OPCML: variants seen among roughly 807,000 people sequenced by gnomAD.
OPCML encodes opioid binding protein/cell adhesion molecule like.
Under a neutral mutation model 37.8 loss-of-function variants are expected in OPCML, and 13 were observed. The observed-to-expected ratio is 0.34, with a 90% CI of 0.22 to 0.55. The LOEUF (loss-of-function observed/expected upper bound fraction) is 0.55, where lower values mean the gene tolerates loss of function less well. OPCML is among the 20% of genes least tolerant of loss of function. The probability of loss-of-function intolerance (pLI) is 0.91; values close to 1 mark genes in which losing one functional copy is unlikely to be tolerated. For synonymous variants in OPCML, 176 were observed against 168.8 expected, an observed-to-expected ratio of 1.04 and a Z score of -0.33; for missense variants, 341 against 435.6, an observed-to-expected ratio of 0.78 and a Z score of 1.93.
intron 1 of OPCML, chr11:133,422,523 C>T (rs573988931): frequency 1.6e-5 from 16 of 977,704 alleles, no homozygotes; most frequent in Middle Eastern, 5.3e-4. Context: ...TTTTTAGAGA[C>T]GGGGTCCTGC....
chr11:133,342,162 T>C (rs1592217534), intron 1 of OPCML, among the ~76,000 whole-genome samples: 1 of 152,286 alleles, frequency 6.6e-6, no homozygotes, highest in Admixed American at 6.5e-5. Context: ...GAACTAATCA[T>C]GGCAGTTTTG....
At chr11:132,848,957 T>C (rs542335428) in intron 2 of OPCML, among the ~76,000 whole-genome samples, 31 of 152,322 alleles carry the variant, frequency 2.0e-4, no homozygotes, top group Admixed American at 9.1e-4. Flanking sequence ...GATAAATCAC[T>C]AGCTCCAGTT....
rs113253382 is a variant in OPCML at position 132,697,822 on chromosome 11, G to A, written c.147-40503C>T. ...TCTCTGTTGCCCAGGCTGGAGTGCA[G>A]TGGTGTAATCATGGCTTACTGCAGC... On this transcript the variant is annotated intron_variant, in intron 2 of 7. Transcript: ENST00000524381. Among the ~76,000 whole-genome samples, 1,363 of 152,044 alleles carry A rather than the reference G, an allele frequency of 9.0e-3. 22 individuals carry two copies. Among genetic ancestry groups the A allele is most frequent in the African/African-American group, 0.031 (1,306 of 41,472 alleles).
intron 1 of OPCML, among the ~76,000 whole-genome samples, chr11:133,413,189 G>C (rs10791291): frequency 6.6e-6 from 1 of 151,878 alleles, no homozygotes; most frequent in Non-Finnish European, 1.5e-5. Flanking sequence ...ATGTTGTAGG[G>C]GCTCTGGAGA....
intron 1 of OPCML, among the ~76,000 whole-genome samples, chr11:132,956,188 T>C (rs928764613): frequency 2.0e-5 from 3 of 152,158 alleles, no homozygotes; most frequent in Non-Finnish European, 4.4e-5. Flanking sequence ...TCAGTTTGTT[T>C]TGTGCCCATA....
rs547718391 is a variant in OPCML at position 132,479,042 on chromosome 11, C to T, written c.506-41683G>A. Among the ~76,000 whole-genome samples the T allele has an allele frequency of 1.1e-4, 17 of 152,042 alleles. No individual in the cohort carries two copies. The South Asian group carries it at 1.5e-3, about 13-fold the overall frequency. ...TAATAGGGAGAGGAGCCAAGATGGC[C>T]GAATAGGAACAGCCCTGGTCTACAG... On this transcript the variant is annotated intron_variant, in intron 4 of 7. Coordinates refer to ENST00000524381, the MANE Select transcript of OPCML (RefSeq NM_001012393.5).
chr11:132,716,879 C>T (rs1415041449), intron 2 of OPCML, among the ~76,000 whole-genome samples: 6 of 152,008 alleles, frequency 3.9e-5, no homozygotes, highest in African/African-American at 1.4e-4. Flanking sequence ...AAGAAGAGTT[C>T]TTTCTTATAA....
chr11:133,201,360 C>G (rs1293197948), intron 1 of OPCML, among the ~76,000 whole-genome samples: 2 of 149,996 alleles, frequency 1.3e-5, no homozygotes, highest in Non-Finnish European at 3.0e-5. Context: ...ATATTTTATG[C>G]CTTTTAGTCT....
At position 132,657,285 on chromosome 11, in the gene OPCML, A is replaced by G; in HGVS notation, c.181T>C (p.Trp61Arg). The G allele has an allele frequency of 6.2e-7, 1 of 1,614,258 alleles. No homozygotes were observed. Among genetic ancestry groups the G allele is most frequent in the Admixed American group, 1.7e-5 (1 of 60,034 alleles). The change falls in exon 3 of 8, where the codon TGG (tryptophan) becomes CGG (arginine). Residue 61 changes from tryptophan to arginine, a missense_variant. Physicochemically the swap from Trp to Arg is moderately radical, Grantham distance 101. Transcript: ENST00000524381. The part of the protein sequence containing the change: ...TIDDRVTRVA[W>R]LNRSTILYAG... ...TAGAGGATGGTGCTGCGGTTTAGCC[A>G]GGCCACCCGGGTTACCCGGTCATCT...
In OPCML at chr11:132,867,222, G is replaced by A. The variant is rs891068525; in HGVS notation, c.146+75704C>T. On this transcript the variant is annotated intron_variant, in intron 2 of 7. Coordinates refer to ENST00000524381, the MANE Select transcript of OPCML (RefSeq NM_001012393.5). Reference sequence around the variant, plus strand: ...GTTGCAGTTTTATTTTGCATCTGACGTCTTGATGGGAATGGAAAAGGACTG... The same window carrying A: ...GTTGCAGTTTTATTTTGCATCTGACATCTTGATGGGAATGGAAAAGGACTG... Among the ~76,000 whole-genome samples, 8 of 152,160 alleles carry A rather than the reference G, an allele frequency of 5.3e-5. No homozygotes were observed. The East Asian group carries it at 5.8e-4, about 11-fold the overall frequency.
intron 1 of OPCML, among the ~76,000 whole-genome samples, chr11:133,051,891 C>T (rs911466097): frequency 6.6e-6 from 1 of 152,204 alleles, no homozygotes; most frequent in African/African-American, 2.4e-5. Context: ...AGCAAATATA[C>T]CCCAAACAGC....
chr11:132,717,047 C>T (rs1201579644), intron 2 of OPCML, among the ~76,000 whole-genome samples: 1 of 152,018 alleles, frequency 6.6e-6, no homozygotes, highest in Non-Finnish European at 1.5e-5. Context: ...ATACTCTGGA[C>T]ATGTATCATA....
chr11:133,264,070 A>G (rs1327034091), intron 1 of OPCML, among the ~76,000 whole-genome samples: 3 of 152,178 alleles, frequency 2.0e-5, no homozygotes, highest in Non-Finnish European at 2.9e-5. Context: ...AAAAAATCCC[A>G]CAGAAAATAA....
intron 2 of OPCML, among the ~76,000 whole-genome samples, chr11:132,699,459 A>G (rs1016418906): frequency 1.3e-5 from 2 of 152,086 alleles, no homozygotes; most frequent in African/African-American, 4.8e-5. Context: ...TCTCTTTACT[A>G]TAGAATATGA....
At chr11:133,259,622 C>A (rs1204603890) in intron 1 of OPCML, among the ~76,000 whole-genome samples, 1 of 152,062 alleles carries the variant, frequency 6.6e-6, no homozygotes, top group Non-Finnish European at 1.5e-5. Context: ...CAAATTAATT[C>A]CCTGAATCTT....
chr11:133,253,167 G>T (rs1219108796), intron 1 of OPCML, among the ~76,000 whole-genome samples: 1 of 146,888 alleles, frequency 6.8e-6, no homozygotes, highest in African/African-American at 2.5e-5. Flanking sequence ...AAAAAGGAAA[G>T]AAATAATCTT....
chr11:133,395,026 C>T (rs1945256486), intron 1 of OPCML, among the ~76,000 whole-genome samples: 1 of 152,132 alleles, frequency 6.6e-6, no homozygotes, highest in Non-Finnish European at 1.5e-5. Flanking sequence ...CCACATCCTG[C>T]CAGCATTTGT....
chr11:132,437,654 C>G (rs2096017738), intron 4 of OPCML, among the ~76,000 whole-genome samples: 1 of 152,128 alleles, frequency 6.6e-6, no homozygotes, highest in Non-Finnish European at 1.5e-5. Flanking sequence ...ATAATTAACT[C>G]AGAGATGACA....
intron 1 of OPCML, among the ~76,000 whole-genome samples, chr11:133,002,382 G>A (rs1947020926): frequency 6.6e-6 from 1 of 152,190 alleles, no homozygotes; most frequent in African/African-American, 2.4e-5. Flanking sequence ...TTAGACAGGT[G>A]AGAATGCCTT....
Sources: allele counts gnomAD v4.1 joint callset (sites outside exome capture counted in the v4.1 genomes callset), GRCh38; gene constraint gnomAD v4.1.1; transcripts MANE v1.5; gene names NCBI Gene and HGNC (gene_info 2026-07-23, HGNC 2026-07-21).